The following POLR2F variants were observed in gnomAD, a reference collection of about 807,000 sequenced individuals.
POLR2F encodes the protein DNA-directed RNA polymerases I, II, and III subunit RPABC2.
A neutral mutation model predicts 22.7 loss-of-function variants in POLR2F; 12 were observed. The ratio of observed to expected loss-of-function variants is 0.53; its 90% CI spans 0.34 to 0.86. The LOEUF (loss-of-function observed/expected upper bound fraction) is 0.86. POLR2F is among the 40% of genes least tolerant of loss of function. The pLI is 0.02. For missense variants in POLR2F, 126 were observed against 171.5 expected, an observed-to-expected ratio of 0.73 and a Z score of 1.48; for synonymous variants, 57 against 66.0, an observed-to-expected ratio of 0.86 and a Z score of 0.66.
intron 1 of POLR2F, among the ~76,000 whole-genome samples, chr22:38,010,527 TC>T (rs2084861929): frequency 6.6e-6 from 1 of 151,748 alleles, no homozygotes; most frequent in Non-Finnish European, 1.5e-5. Flanking sequence ...CAACACCTAG[TC>T]TGATCAGTTT....
chr22:38,037,219 C>T (rs1352598202), intron 5 of POLR2F, among the ~76,000 whole-genome samples: 1 of 151,708 alleles, frequency 6.6e-6, no homozygotes, highest in Admixed American at 6.6e-5. Context: ...GAAGGAAGGA[C>T]TGACCTTTTT....
At chr22:37,993,017 G>T (rs758008697) in intron 1 of POLR2F, among the ~76,000 whole-genome samples, 4 of 152,168 alleles carry the variant, frequency 2.6e-5, no homozygotes, top group Non-Finnish European at 5.9e-5. Context: ...TACATGTCTA[G>T]ACACTAGGCA....
At chr22:37,969,769 C>T (rs983134377), downstream of POLR2F, among the ~76,000 whole-genome samples, 4 of 152,134 alleles carry the variant, frequency 2.6e-5, no homozygotes, top group African/African-American at 9.7e-5. Flanking sequence ...TTTAAAAGTG[C>T]TTATATAATA....
intron 2 of POLR2F, among the ~76,000 whole-genome samples, chr22:37,957,677 G>A (rs762666287): frequency 6.6e-6 from 1 of 152,110 alleles, no homozygotes; most frequent in Admixed American, 6.6e-5. Context: ...TCCCTGTCAT[G>A]TAGATTGTGC....
chr22:38,025,917 A>G, exon 2 of POLR2F: 1 of 729,948 alleles, frequency 1.4e-6, no homozygotes, highest in Non-Finnish European at 2.5e-6. Flanking sequence ...GGATGGACTC[A>G]GGAGCGCTCA....
chr22:37,967,093 C>T lies in POLR2F; in HGVS notation c.222-6C>T. On this transcript the variant is annotated splice_region_variant and splice_polypyrimidine_tract_variant and intron_variant, in intron 3 of 4. Transcript: ENST00000442738. ...GTCTCCCTAACACCTGTCCCTATCC[C>T]TACAGGATGTGTGCCCCTGTGATGG... The T allele has an allele frequency of 6.2e-7, 1 of 1,609,318 alleles. No individual in the cohort carries two copies. The highest frequency in any genetic ancestry group is 1.7e-5 in the Admixed American group (1 of 59,710).
intron 1 of POLR2F, among the ~76,000 whole-genome samples, chr22:38,012,399 T>C (rs2084878743): frequency 6.6e-6 from 1 of 152,174 alleles, no homozygotes; most frequent in African/African-American, 2.4e-5. Flanking sequence ...ACTTTTTAGT[T>C]TGAAATAATT....
intron 1 of POLR2F, among the ~76,000 whole-genome samples, chr22:38,014,135 A>G (rs554881828): frequency 4.6e-4 from 70 of 151,766 alleles, no homozygotes; most frequent in Non-Finnish European, 6.8e-4. Context: ...AAAAAAAAAA[A>G]AAAAAAGAAA....
intron 1 of POLR2F, among the ~76,000 whole-genome samples, chr22:37,994,107 T>A (rs2084688238): frequency 6.6e-6 from 1 of 152,230 alleles, no homozygotes; most frequent in Admixed American, 6.5e-5. Flanking sequence ...CCAGGTGTGA[T>A]GGCTTTTGTC....
At position 38,017,679 on chromosome 22, in the gene POLR2F, A is replaced by G. The variant is rs922018696; in HGVS notation, c.121-8190A>G. Reference sequence around the variant, plus strand: ...TCTGAGGCTGTGGCCTCTCCCTGCAACTTCCTGTAGGTCTCTCTGTAGCAC... The same window carrying G: ...TCTGAGGCTGTGGCCTCTCCCTGCAGCTTCCTGTAGGTCTCTCTGTAGCAC... On this transcript the variant is annotated intron_variant, in intron 1 of 2. Transcript: ENST00000333418. The surrounding 1 kb of genome is among the most constrained non-coding windows in gnomAD (Gnocchi z 4.1). 4.6e-5 allele frequency among the ~76,000 whole-genome samples: 7 copies of G among 152,074 alleles called. No individual in the cohort carries two copies. Among genetic ancestry groups the G allele is most frequent in the African/African-American group, 1.7e-4 (7 of 41,404 alleles).
intron 1 of POLR2F, 191 bp downstream of exon 1, chr22:37,953,998 G>A: frequency 1.5e-6 from 1 of 646,744 alleles, no homozygotes; most frequent in South Asian, 2.0e-5. Flanking sequence ...GGCACAGGAG[G>A]GCCCAGGCTC....
intron 1 of POLR2F, among the ~76,000 whole-genome samples, chr22:37,995,300 G>A (rs1393835155): frequency 6.6e-6 from 1 of 152,180 alleles, no homozygotes; most frequent in Non-Finnish European, 1.5e-5. Context: ...CTCAATAAGT[G>A]CTTGCTGAAC....
At chr22:38,019,003 G>C (rs1466747772) in intron 1 of POLR2F, among the ~76,000 whole-genome samples, 1 of 152,158 alleles carries the variant, frequency 6.6e-6, no homozygotes, top group African/African-American at 2.4e-5. Flanking sequence ...CTTTGGGGCT[G>C]GGAAACATGG....
chr22:38,002,571 C>A (rs1441429733), intron 1 of POLR2F, among the ~76,000 whole-genome samples: 2 of 151,104 alleles, frequency 1.3e-5, no homozygotes, highest in Non-Finnish European at 2.9e-5. Flanking sequence ...CTGGGTTTCA[C>A]CATGTTGGCT....
intron 1 of POLR2F, among the ~76,000 whole-genome samples, chr22:38,004,340 G>A (rs375036362): frequency 1.1e-4 from 16 of 152,278 alleles, no homozygotes; most frequent in South Asian, 6.2e-4. Context: ...AGGATGGGTC[G>A]TAGGGAGGGA....
At chr22:38,026,419 TC>T (rs2085010895) in exon 3 of POLR2F, 1 of 451,240 alleles carries the variant, frequency 2.2e-6, no homozygotes, top group South Asian at 1.6e-5. Flanking sequence ...TCTCTGGGTC[TC>T]AGTTTCCCCC....
chr22:37,969,392 G>A (rs1931978680), downstream of POLR2F: 30 of 895,354 alleles, frequency 3.4e-5, 1 homozygote, highest in South Asian at 1.4e-3. Flanking sequence ...TTTAACAAGT[G>A]GAGCTCCTGC....
chr22:37,989,643 A>G (rs1189463731), intron 1 of POLR2F, among the ~76,000 whole-genome samples: 1 of 152,184 alleles, frequency 6.6e-6, no homozygotes, highest in African/African-American at 2.4e-5. Context: ...AGTAGATGCT[A>G]TTATTCTCAT....
chr22:37,956,690 T>C (rs1028779126), intron 1 of POLR2F, 83 bp from the exon 2 acceptor site: 11 of 1,088,338 alleles, frequency 1.0e-5, no homozygotes, highest in Non-Finnish European at 1.6e-5. Flanking sequence ...GTACCAGGAT[T>C]ACAAGTGTGA....
Sources: allele counts gnomAD v4.1 joint callset (sites outside exome capture counted in the v4.1 genomes callset), GRCh38; gene constraint gnomAD v4.1.1; non-coding constraint Gnocchi (gnomAD v3.1); transcripts MANE v1.5; gene names NCBI Gene and HGNC (gene_info 2026-07-23, HGNC 2026-07-21).